TAOK3: variants seen among roughly 807,000 people sequenced by gnomAD.
TAOK3 encodes the protein serine/threonine-protein kinase TAO3.
TAOK3 carries 40 observed loss-of-function variants against 120.4 expected under a neutral mutation model. The observed-to-expected ratio is 0.33, with a 90% CI of 0.26 to 0.43. TAOK3 has a LOEUF of 0.43. TAOK3 is among the 20% of genes least tolerant of loss of function. TAOK3 has a pLI of 1.00. For synonymous variants in TAOK3, 355 were observed against 387.5 expected (o/e 0.92, Z 0.99); for missense variants, 821 against 1,112.1 (o/e 0.74, Z 3.72).
chr12:118,347,769 C>G (rs953149850), intron 1 of TAOK3, among the ~76,000 whole-genome samples: 5 of 152,186 alleles, frequency 3.3e-5, no homozygotes, highest in African/African-American at 1.2e-4. Flanking sequence ...CTATGCCAAG[C>G]CGTTAATGCC....
intron 9 of TAOK3, among the ~76,000 whole-genome samples, chr12:118,216,726 A>T (rs897269308): frequency 6.6e-6 from 1 of 152,116 alleles, no homozygotes; most frequent in Non-Finnish European, 1.5e-5. Context: ...CAGGAGATCG[A>T]GACCATCCTG....
chr12:118,150,476 CTT>C lies in TAOK3; in HGVS notation c.*519_*520del, dbSNP rs1353524956. ...ATCAAATTTTCAATCTTTAATAAAACTTTGTTTTTTTTATTCCTGATGAATAA... is the reference window on the plus strand; with the variant it reads ...ATCAAATTTTCAATCTTTAATAAAACTGTTTTTTTTATTCCTGATGAATAA... On this transcript the variant is annotated 3_prime_UTR_variant, in exon 21 of 21. Transcript: ENST00000392533. 4 of 137,692 alleles carry C rather than the reference CTT, an allele frequency of 2.9e-5. No individual in the cohort carries two copies. Among genetic ancestry groups the C allele is most frequent in the Middle Eastern group, 4.2e-3 (1 of 240 alleles). The allele number at this position is 137,692 out of a possible 1,614,324, so 8.5% of individuals were successfully genotyped here.
intron 9 of TAOK3, among the ~76,000 whole-genome samples, chr12:118,222,006 A>G (rs1302263233): frequency 1.3e-5 from 2 of 152,206 alleles, no homozygotes; most frequent in Non-Finnish European, 2.9e-5. Context: ...ATTAAAAGAA[A>G]AAACAGTAGT....
chr12:118,226,330 T>G (rs1410319088), intron 9 of TAOK3, among the ~76,000 whole-genome samples: 1 of 151,392 alleles, frequency 6.6e-6, no homozygotes, highest in Non-Finnish European at 1.5e-5. Context: ...GAGCTGAGAT[T>G]GCGCCACTGC....
intron 9 of TAOK3, among the ~76,000 whole-genome samples, chr12:118,232,335 G>A (rs181148309): frequency 1.3e-3 from 199 of 152,290 alleles, no homozygotes; most frequent in Middle Eastern, 3.4e-3. Flanking sequence ...TAACTTAATG[G>A]CTGAAGTTTA....
intron 1 of TAOK3, among the ~76,000 whole-genome samples, chr12:118,346,119 A>G (rs1397717417): frequency 1.3e-5 from 2 of 152,160 alleles, no homozygotes; most frequent in Non-Finnish European, 2.9e-5. Flanking sequence ...ACTCACATGT[A>G]TTTTTTATTT....
chr12:118,273,316 C>T (rs1453711449), intron 1 of TAOK3, among the ~76,000 whole-genome samples: 1 of 151,622 alleles, frequency 6.6e-6, no homozygotes, highest in Non-Finnish European at 1.5e-5. Flanking sequence ...TCCTCGCTAA[C>T]ACGGTGAAAC....
intron 2 of TAOK3, among the ~76,000 whole-genome samples, chr12:118,257,031 C>T (rs1391248635): frequency 2.0e-5 from 3 of 152,138 alleles, no homozygotes; most frequent in Non-Finnish European, 4.4e-5. Context: ...TATATATTAT[C>T]TCCTTTAATC....
chr12:118,208,455 A>T (rs2038449310), intron 11 of TAOK3, among the ~76,000 whole-genome samples: 1 of 152,198 alleles, frequency 6.6e-6, no homozygotes, highest in African/African-American at 2.4e-5. Flanking sequence ...ACTATAAATT[A>T]AAAAGGAAAT....
At chr12:118,301,771 G>C (rs2042888575) in intron 1 of TAOK3, among the ~76,000 whole-genome samples, 1 of 151,340 alleles carries the variant, frequency 6.6e-6, no homozygotes, top group Admixed American at 6.6e-5. Flanking sequence ...GAACCTGGGA[G>C]GCGGAAGTTG....
At chr12:118,164,377 C>T (rs1255097436) in intron 17 of TAOK3, among the ~76,000 whole-genome samples, 1 of 151,866 alleles carries the variant, frequency 6.6e-6, no homozygotes, top group Non-Finnish European at 1.5e-5. Flanking sequence ...AAAAGAACGT[C>T]AAGGAAAGGA....
At chr12:118,155,587 T>C (rs529656036) in intron 19 of TAOK3, among the ~76,000 whole-genome samples, 57 of 152,318 alleles carry the variant, frequency 3.7e-4, no homozygotes, top group African/African-American at 1.3e-3. Context: ...ATGTTTAACA[T>C]TGATTGTACT....
intron 17 of TAOK3, among the ~76,000 whole-genome samples, chr12:118,170,839 T>C (rs1158797394): frequency 6.6e-6 from 1 of 152,216 alleles, no homozygotes; most frequent in Non-Finnish European, 1.5e-5. Flanking sequence ...GAGCCTGGCC[T>C]ACATGTGTTC....
At chr12:118,180,257 T>G (rs1400134052) in intron 15 of TAOK3, among the ~76,000 whole-genome samples, 1 of 150,180 alleles carries the variant, frequency 6.7e-6, no homozygotes, top group Non-Finnish European at 1.5e-5. Flanking sequence ...CTTTTTTTTT[T>G]TGAGACAGGG....
chr12:118,247,532 T>A (rs1424154949), intron 3 of TAOK3, among the ~76,000 whole-genome samples: 9 of 152,146 alleles, frequency 5.9e-5, no homozygotes, highest in Non-Finnish European at 1.0e-4. Flanking sequence ...TTTCTTTTTT[T>A]AAGACAGGAT....
chr12:118,364,700 G>C (rs1256503521), intron 1 of TAOK3, among the ~76,000 whole-genome samples: 1 of 152,082 alleles, frequency 6.6e-6, no homozygotes, highest in Non-Finnish European at 1.5e-5. Context: ...TTTAGCCCAG[G>C]AGTTTGAGAC....
At chr12:118,320,297 G>T (rs778498001) in intron 1 of TAOK3, among the ~76,000 whole-genome samples, 6 of 152,224 alleles carry the variant, frequency 3.9e-5, no homozygotes, top group Non-Finnish European at 8.8e-5. Flanking sequence ...CTTATGACAA[G>T]TTTCTACGAG....
At chr12:118,276,805 G>T (rs2041918671) in intron 1 of TAOK3, among the ~76,000 whole-genome samples, 1 of 152,134 alleles carries the variant, frequency 6.6e-6, no homozygotes, top group South Asian at 2.1e-4. Flanking sequence ...AGGAGTTCGA[G>T]ACCAACCTGG....
Position 118,235,612 on chromosome 12 carries a change from A to T in TAOK3, c.497T>A (p.Phe166Tyr). The change falls in exon 8 of 21, where the codon TTT becomes TAT. Residue 166 changes from phenylalanine (F) to tyrosine (Y), a missense_variant. Transcript: ENST00000392533. ...TEPGQVKLAD[F>Y]GSASMASPAN... The stretch of plus-strand genomic sequence containing the variant: ...AGGAGAAGCCATTGAAGCAGATCCA[A>T]AATCAGCTAGTTTTACCTGACCTGG... 6.2e-7 allele frequency: 1 copy of T among 1,614,086 alleles called. No individual in the cohort carries two copies. Among genetic ancestry groups the T allele is most frequent in the Non-Finnish European group, 8.5e-7 (1 of 1,179,980 alleles).
Sources: allele counts gnomAD v4.1 joint callset (sites outside exome capture counted in the v4.1 genomes callset), GRCh38; gene constraint gnomAD v4.1.1; transcripts MANE v1.5; gene names NCBI Gene and HGNC (gene_info 2026-07-23, HGNC 2026-07-21).